Variants in HECW1 observed in about 807,000 individuals in gnomAD.
HECW1 encodes the protein HECT, C2 and WW domain containing E3 ubiquitin protein ligase 1.
In HECW1, 61 loss-of-function variants were observed where a neutral mutation model predicts 182.3. The ratio of observed to expected loss-of-function variants is 0.33; its 90% confidence interval spans 0.27 to 0.41. HECW1 has a LOEUF of 0.41. Ranked by LOEUF, HECW1 falls within the 10% of genes least tolerant of loss-of-function variation. The pLI is 1.00. For missense variants in HECW1, 1,739 were observed against 2,108.9 expected (o/e 0.82, Z 3.44); for synonymous variants, 859 against 832.6 (o/e 1.03, Z -0.55).
At chr7:43,456,558 G>A (rs1249700798) in intron 13 of HECW1, 111 bp downstream of exon 13, 3 of 990,546 alleles carry the variant, frequency 3.0e-6, no homozygotes, top group Non-Finnish European at 4.2e-6. Context: ...AGACTGGAAA[G>A]TAATTAAGTA....
intron 3 of HECW1, among the ~76,000 whole-genome samples, chr7:43,249,921 C>T (rs1374569192): frequency 6.6e-6 from 1 of 152,144 alleles, no homozygotes; most frequent in Non-Finnish European, 1.5e-5. Flanking sequence ...TGCAAATGTT[C>T]TGCGGCAGTC....
intron 24 of HECW1, among the ~76,000 whole-genome samples, chr7:43,526,023 A>G (rs2152942739): frequency 6.6e-6 from 1 of 152,362 alleles, no homozygotes; most frequent in Middle Eastern, 3.4e-3. Flanking sequence ...CTTCAAAACA[A>G]TAAAGCATCA....
chr7:43,509,335 G>A (rs1359274279), intron 24 of HECW1: 1 of 452,142 alleles, frequency 2.2e-6, no homozygotes, highest in Non-Finnish European at 3.9e-6. Context: ...TATAGCAACT[G>A]CAAATTGATG....
rs1441765345 is a variant in HECW1, at chr7:43,176,203, G to T, written c.-32+61812G>T. ...ATTCTGGAGTCTGTTACTGTGTGTA[G>T]AGGACTTTGTGGCTGAACTGTAAAA... On this transcript the variant is annotated intron_variant, in intron 2 of 29. Coordinates refer to ENST00000395891, the MANE Select transcript of HECW1 (RefSeq NM_015052.5). Among the ~76,000 whole-genome samples the T allele has an allele frequency of 1.2e-4, 19 of 152,318 alleles. No homozygotes were observed. The East Asian group carries it at 3.3e-3, about 26-fold the overall frequency.
At chr7:43,412,345 T>C (rs190728803) in intron 8 of HECW1, among the ~76,000 whole-genome samples, 102 of 152,152 alleles carry the variant, frequency 6.7e-4, no homozygotes, top group African/African-American at 2.4e-3. Context: ...TAAGTGGATG[T>C]GTATTTTAAA....
chr7:43,419,128 G>A (rs1001718841), intron 8 of HECW1, among the ~76,000 whole-genome samples: 1 of 152,058 alleles, frequency 6.6e-6, no homozygotes, highest in East Asian at 1.9e-4. Flanking sequence ...TCTTCTTTCC[G>A]GAATTCCTCC....
intron 8 of HECW1, among the ~76,000 whole-genome samples, chr7:43,417,033 C>A (rs1015536222): frequency 6.6e-6 from 1 of 152,158 alleles, no homozygotes; most frequent in African/African-American, 2.4e-5. Context: ...TGTTCCTATT[C>A]GGCCATCTTG....
Position 43,563,382 on chromosome 7 carries a change from T to C in HECW1, c.*1456T>C, listed in dbSNP as rs2082259313. 2 of 203,034 alleles carry C rather than the reference T, an allele frequency of 9.9e-6. No individual in the cohort carries two copies. Among genetic ancestry groups the C allele is most frequent in the Admixed American group, 6.0e-5 (1 of 16,678 alleles). The allele number at this position is 203,034 out of a possible 1,614,324, so 12.6% of individuals were successfully genotyped here. ...ACGTTGTTATCCATGTTGCCTGAAA[T>C]AGGTCATAAATGAAAGTGTTTTTCT... On this transcript the variant is annotated 3_prime_UTR_variant, in exon 30 of 30. Coordinates refer to ENST00000395891, the MANE Select transcript of HECW1 (RefSeq NM_015052.5).
chr7:43,171,825 A>ATATT, intron 2 of HECW1, among the ~76,000 whole-genome samples: 1 of 152,276 alleles, frequency 6.6e-6, no homozygotes, highest in Middle Eastern at 3.4e-3. Flanking sequence ...GTAGATAATA[A>ATATT]AAGTAAAATG....
chr7:43,225,125 G>A (rs2152705352), intron 2 of HECW1, among the ~76,000 whole-genome samples: 1 of 152,320 alleles, frequency 6.6e-6, no homozygotes, highest in East Asian at 1.9e-4. Flanking sequence ...TGGAGATCCT[G>A]GAGATGGACT....
At chr7:43,242,130 A>T (rs921339835) in intron 2 of HECW1, among the ~76,000 whole-genome samples, 1 of 152,226 alleles carries the variant, frequency 6.6e-6, no homozygotes, top group Non-Finnish European at 1.5e-5. Flanking sequence ...GTAAGTCTCA[A>T]ACTGGTATTT....
chr7:43,144,200 T>C (rs1158719965), intron 2 of HECW1, among the ~76,000 whole-genome samples: 3 of 152,254 alleles, frequency 2.0e-5, no homozygotes, highest in Non-Finnish European at 4.4e-5. Flanking sequence ...GGACTTTTTT[T>C]CTCACAATTA....
chr7:43,506,129 T>C (rs2079567906), intron 21 of HECW1, among the ~76,000 whole-genome samples: 1 of 152,346 alleles, frequency 6.6e-6, no homozygotes, highest in South Asian at 2.1e-4. Flanking sequence ...TAAACTTTAC[T>C]CTTATGATGC....
intron 24 of HECW1, among the ~76,000 whole-genome samples, chr7:43,527,066 T>G (rs1167876898): frequency 6.6e-6 from 1 of 152,340 alleles, no homozygotes; most frequent in East Asian, 1.9e-4. Flanking sequence ...CAGCCTTTTA[T>G]GGTCAAATTT....
intron 17 of HECW1, among the ~76,000 whole-genome samples, chr7:43,489,333 T>C (rs528812413): frequency 5.3e-5 from 8 of 152,348 alleles, no homozygotes; most frequent in African/African-American, 1.7e-4. Context: ...AAGAGACTTA[T>C]AATTTCAATC....
intron 4 of HECW1, among the ~76,000 whole-genome samples, chr7:43,314,298 G>A (rs1246174851): frequency 6.6e-6 from 1 of 152,218 alleles, no homozygotes; most frequent in African/African-American, 2.4e-5. Context: ...ATGAATGAAT[G>A]GTTCTGAAGC....
chr7:43,308,242 TAA>T (rs1491205910), intron 3 of HECW1, among the ~76,000 whole-genome samples: 9 of 57,042 alleles, frequency 1.6e-4, no homozygotes, highest in Non-Finnish European at 2.1e-4. Flanking sequence ...TAATAATATA[TAA>T]TATATATATA....
At chr7:43,489,877 G>T (rs1163687889) in intron 17 of HECW1, among the ~76,000 whole-genome samples, 1 of 152,160 alleles carries the variant, frequency 6.6e-6, no homozygotes, top group East Asian at 1.9e-4. Context: ...ATTCTTAAGT[G>T]GCCGTTTGGA....
intron 2 of HECW1, chr7:43,194,554 C>T (rs1017614423): frequency 2.6e-5 from 4 of 152,182 alleles, no homozygotes; most frequent in African/African-American, 9.7e-5. Flanking sequence ...TTCCGCAAAA[C>T]CTTGCTGAAA....
Sources: gnomAD v4.1 joint callset for allele counts (sites outside exome capture counted in the v4.1 genomes callset) on GRCh38, gnomAD v4.1.1 for gene constraint, MANE v1.5 for transcripts, NCBI Gene and HGNC (gene_info 2026-07-23, HGNC 2026-07-21) for gene names.